SNTB1: variants seen among roughly 807,000 people sequenced by gnomAD.
SNTB1 encodes beta-1-syntrophin.
Under a neutral mutation model 48.9 loss-of-function variants are expected in SNTB1, and 36 were observed. The observed-to-expected ratio is 0.74, with a 90% CI of 0.56 to 0.97. The LOEUF (loss-of-function observed/expected upper bound fraction) is 0.97, where lower values mean the gene tolerates loss of function less well. Ranked by LOEUF, SNTB1 falls within the 50% of genes least tolerant of loss-of-function variation. The probability of loss-of-function intolerance (pLI) is 0.00; values close to 1 mark genes in which losing one functional copy is unlikely to be tolerated. For missense variants in SNTB1, 786 were observed against 703.4 expected, an observed-to-expected ratio of 1.12 and a Z score of -1.33; for synonymous variants, 299 against 294.6, an observed-to-expected ratio of 1.01 and a Z score of -0.15.
intron 2 of SNTB1, among the ~76,000 whole-genome samples, chr8:120,676,292 T>C (rs1016577905): frequency 6.6e-6 from 1 of 152,222 alleles, no homozygotes; most frequent in Non-Finnish European, 1.5e-5. Context: ...GCTTTATATA[T>C]TCCCTGGTAA....
intron 5 of SNTB1, 64 bp downstream of exon 5, chr8:120,548,698 C>T (rs959896473): frequency 4.6e-5 from 67 of 1,467,262 alleles, no homozygotes; most frequent in Admixed American, 3.5e-5. Flanking sequence ...TTTAAGGCCC[C>T]GGTGGAGTAG....
At chr8:120,610,270 C>T (rs554015323) in intron 3 of SNTB1, among the ~76,000 whole-genome samples, 3 of 152,098 alleles carry the variant, frequency 2.0e-5, no homozygotes, top group African/African-American at 4.8e-5. Flanking sequence ...CCAGGTAGCT[C>T]GGATTATAGG....
chr8:120,770,854 AC>A lies in SNTB1; in HGVS notation c.571+40418del, dbSNP rs754234531. Among the ~76,000 whole-genome samples, 54 of 152,284 alleles carry A rather than the reference AC, an allele frequency of 3.5e-4. 2 individuals carry two copies. The South Asian group carries it at 0.01, about 29-fold the overall frequency. On this transcript the variant is annotated intron_variant, in intron 1 of 6. Coordinates refer to ENST00000517992, the MANE Select transcript of SNTB1 (RefSeq NM_021021.4). The stretch of plus-strand genomic sequence containing the variant: ...AAAAGTACAGACCTTTAATGATGGA[AC>A]CATCTAATTTCAATGGTCTGTGCTT...
intron 2 of SNTB1, among the ~76,000 whole-genome samples, chr8:120,649,818 G>T (rs1194207720): frequency 2.6e-5 from 4 of 152,152 alleles, no homozygotes; most frequent in Admixed American, 2.0e-4. Flanking sequence ...CAATCAGCGA[G>T]ACTCCGTGGG....
rs375032501 is a variant in SNTB1 at position 120,541,974 on chromosome 8, G to A, written c.1360C>T (p.Arg454Cys). Residue 454 changes from arginine (R) to cysteine (C), a missense_variant, in exon 6 of 7, where the codon CGT becomes TGT. By Grantham distance (180) the Arg-to-Cys change is radical. Transcript: ENST00000517992. ...CCATTCTCATAATGTATGGTCAAAC[G>A]GCACTCCTGGTTTTTGTAGGTGCAA... Reference protein sequence around the residue: ...TACTYKNQECRLTIHYENGFS... With the variant: ...TACTYKNQECCLTIHYENGFS... 1.4e-4 allele frequency: 222 copies of A among 1,613,428 alleles called. No homozygotes were observed. The highest frequency in any genetic ancestry group is 8.8e-4 in the African/African-American group (66 of 74,830).
chr8:120,545,695 T>G (rs1423387917), intron 5 of SNTB1, among the ~76,000 whole-genome samples: 3 of 152,244 alleles, frequency 2.0e-5, no homozygotes, highest in Non-Finnish European at 2.9e-5. Context: ...AGATCTGTAC[T>G]GTCCACTGCC....
At chr8:120,732,241 G>A (rs1030144620) in intron 1 of SNTB1, among the ~76,000 whole-genome samples, 1 of 152,082 alleles carries the variant, frequency 6.6e-6, no homozygotes, top group Non-Finnish European at 1.5e-5. Context: ...AGGTTAACTC[G>A]ACTCATTTCT....
At chr8:120,676,844 C>A (rs779015799) in intron 2 of SNTB1, among the ~76,000 whole-genome samples, 21 of 151,958 alleles carry the variant, frequency 1.4e-4, no homozygotes, top group Admixed American at 3.9e-4. Context: ...TTGCCTGAGG[C>A]CAGGAGTTCA....
intron 2 of SNTB1, among the ~76,000 whole-genome samples, chr8:120,662,470 A>T (rs1817604576): frequency 6.6e-6 from 1 of 152,240 alleles, no homozygotes; most frequent in South Asian, 2.1e-4. Flanking sequence ...GTGTATTAAA[A>T]TAGTAGAACA....
At chr8:120,663,215 A>G (rs933350479) in intron 2 of SNTB1, among the ~76,000 whole-genome samples, 7 of 152,184 alleles carry the variant, frequency 4.6e-5, no homozygotes, top group African/African-American at 1.7e-4. Flanking sequence ...GCAGATAGAA[A>G]TGGGCTGAAT....
chr8:120,543,792 T>C (rs1815332095), intron 5 of SNTB1, among the ~76,000 whole-genome samples: 1 of 152,154 alleles, frequency 6.6e-6, no homozygotes, highest in South Asian at 2.1e-4. Context: ...CTTGCAGATA[T>C]CTTTCGACTT....
intron 3 of SNTB1, among the ~76,000 whole-genome samples, chr8:120,584,834 G>A (rs567758198): frequency 2.0e-5 from 3 of 152,174 alleles, no homozygotes; most frequent in Non-Finnish European, 2.9e-5. Context: ...AAAGGTGTAC[G>A]CAGACGTGTA....
chr8:120,567,528 C>T (rs1288651484), intron 4 of SNTB1, among the ~76,000 whole-genome samples: 1 of 150,376 alleles, frequency 6.6e-6, no homozygotes, highest in Non-Finnish European at 1.5e-5. Context: ...TCAAGCAATT[C>T]TCCCACTTCA....
chr8:120,683,881 G>C (rs1359742219), intron 2 of SNTB1, among the ~76,000 whole-genome samples: 3 of 152,114 alleles, frequency 2.0e-5, no homozygotes, highest in Non-Finnish European at 4.4e-5. Context: ...ACCAATTAGA[G>C]GATGCCAACA....
intron 1 of SNTB1, among the ~76,000 whole-genome samples, chr8:120,697,534 A>G (rs1818232071): frequency 6.6e-6 from 1 of 152,222 alleles, no homozygotes; most frequent in Admixed American, 6.5e-5. Context: ...AACTGGATTA[A>G]GGAAATCTCA....
intron 3 of SNTB1, among the ~76,000 whole-genome samples, chr8:120,616,297 GATT>G (rs1262166866): frequency 2.8e-5 from 3 of 107,002 alleles, no homozygotes; most frequent in Non-Finnish European, 5.7e-5. Flanking sequence ...AGATTAGCTT[GATT>G]TTTTTTTTTT....
intron 1 of SNTB1, among the ~76,000 whole-genome samples, chr8:120,758,355 A>G (rs12334939): frequency 0.12 from 18,484 of 152,114 alleles, 3,720 homozygotes; most frequent in African/African-American, 0.42. Flanking sequence ...TCTCACCTCC[A>G]GACATATTCA....
At chr8:120,791,923 G>A (rs981739181) in intron 1 of SNTB1, among the ~76,000 whole-genome samples, 2 of 151,810 alleles carry the variant, frequency 1.3e-5, no homozygotes, top group Admixed American at 6.6e-5. Context: ...TCTACCATTC[G>A]ATCCAGCAAT....
chr8:120,691,228 T>G (rs1049016400), intron 2 of SNTB1, among the ~76,000 whole-genome samples: 2 of 152,182 alleles, frequency 1.3e-5, no homozygotes, highest in Non-Finnish European at 2.9e-5. Context: ...AATCATCTAT[T>G]CAAATTTTCT....
Sources: gnomAD v4.1 joint callset for allele counts (sites outside exome capture counted in the v4.1 genomes callset) on GRCh38, gnomAD v4.1.1 for gene constraint, MANE v1.5 for transcripts, NCBI Gene and HGNC (gene_info 2026-07-23, HGNC 2026-07-21) for gene names.